The following RAB3C variants were observed in gnomAD, a reference collection of about 807,000 sequenced individuals.
The protein encoded by RAB3C is RAB3C, member RAS oncogene family, also known as ras-related protein Rab-3C.
A neutral mutation model predicts 26.4 loss-of-function variants in RAB3C; 17 were observed. That is an observed-to-expected ratio of 0.64 (90% CI 0.44 to 0.97). The LOEUF (loss-of-function observed/expected upper bound fraction) is 0.97, where lower values mean the gene tolerates loss of function less well. RAB3C is among the 50% of genes least tolerant of loss of function. The pLI is 0.00. For synonymous variants in RAB3C, 91 were observed against 95.9 expected (o/e 0.95, Z 0.30); for missense variants, 242 against 281.9 (o/e 0.86, Z 1.01).
intron 1 of RAB3C, among the ~76,000 whole-genome samples, chr5:58,606,510 T>A (rs1561264243): frequency 1.3e-5 from 2 of 152,164 alleles, no homozygotes; most frequent in South Asian, 2.1e-4. Context: ...GACTTAAACG[T>A]CCCTGTCTGA....
At chr5:58,750,475 T>TA (rs141418422) in intron 3 of RAB3C, among the ~76,000 whole-genome samples, 18,311 of 152,278 alleles carry the variant, frequency 0.12, 1,405 homozygotes, top group East Asian at 0.18. Flanking sequence ...GCAGTAACTC[T>TA]GCTTAAGAAT....
At chr5:58,650,460 G>C (rs566768832) in intron 2 of RAB3C, among the ~76,000 whole-genome samples, 1 of 152,310 alleles carries the variant, frequency 6.6e-6, no homozygotes, top group Non-Finnish European at 1.5e-5. Flanking sequence ...GTTTTTGAAT[G>C]ATGAATGACA....
chr5:58,620,238 A>C (rs1271004481), intron 2 of RAB3C, among the ~76,000 whole-genome samples: 1 of 152,190 alleles, frequency 6.6e-6, no homozygotes, highest in Middle Eastern at 3.2e-3. Flanking sequence ...GTAGATTAAT[A>C]GCCATTACTA....
rs576176999 is a variant in RAB3C, at chr5:58,824,441, C to T, written c.372-597C>T. Among the ~76,000 whole-genome samples the T allele has an allele frequency of 7.9e-5, 12 of 152,280 alleles. No homozygotes were observed. In the South Asian group the frequency reaches 2.5e-3, roughly 32 times the overall value. On this transcript the variant is annotated intron_variant, in intron 3 of 4. Coordinates refer to ENST00000282878, the MANE Select transcript of RAB3C (RefSeq NM_138453.4). ...CCAGCTCATTGTATTATAATTTTGA[C>T]ATTAATCAACCTGACATTTTTCTTT...
chr5:58,643,121 A>G (rs777382476), intron 2 of RAB3C, among the ~76,000 whole-genome samples: 10 of 152,216 alleles, frequency 6.6e-5, no homozygotes, highest in Non-Finnish European at 1.2e-4. Flanking sequence ...TGTATAGCTA[A>G]TTACCAATTA....
intron 1 of RAB3C, among the ~76,000 whole-genome samples, chr5:58,590,536 T>C (rs1204030167): frequency 6.6e-6 from 1 of 151,936 alleles, no homozygotes; most frequent in African/African-American, 2.4e-5. Flanking sequence ...GGTTCACTTA[T>C]TTATTTATTT....
intron 2 of RAB3C, among the ~76,000 whole-genome samples, chr5:58,701,732 G>C (rs752825893): frequency 1.3e-5 from 2 of 152,066 alleles, no homozygotes; most frequent in Non-Finnish European, 2.9e-5. Flanking sequence ...TACCTTCATA[G>C]CCAACAAGAT....
chr5:58,828,571 G>A (rs1743540092), intron 4 of RAB3C, among the ~76,000 whole-genome samples: 1 of 152,190 alleles, frequency 6.6e-6, no homozygotes, highest in Non-Finnish European at 1.5e-5. Flanking sequence ...TCCCAGGCCT[G>A]ACCTCACACT....
chr5:58,657,221 T>G (rs920622467), intron 2 of RAB3C, among the ~76,000 whole-genome samples: 1 of 151,690 alleles, frequency 6.6e-6, no homozygotes, highest in Non-Finnish European at 1.5e-5. Context: ...CAATGGACTT[T>G]GAGGACTTTG....
At chr5:58,711,308 G>A (rs937514447) in intron 2 of RAB3C, among the ~76,000 whole-genome samples, 3 of 152,034 alleles carry the variant, frequency 2.0e-5, no homozygotes, top group African/African-American at 7.2e-5. Flanking sequence ...GGCTCGCTTC[G>A]ATTTTTTACT....
At chr5:58,697,815 G>A (rs771037499) in intron 2 of RAB3C, among the ~76,000 whole-genome samples, 11 of 152,160 alleles carry the variant, frequency 7.2e-5, no homozygotes, top group South Asian at 2.1e-4. Context: ...GCCTATGTGC[G>A]TCTTTGCACA....
chr5:58,794,501 A>C, intron 3 of RAB3C: 1 of 151,824 alleles, frequency 6.6e-6, no homozygotes, highest in African/African-American at 2.4e-5. Flanking sequence ...CAGATTGTCT[A>C]ACCAGTTATG....
At chr5:58,671,470 C>T (rs1170420482) in intron 2 of RAB3C, among the ~76,000 whole-genome samples, 1 of 152,112 alleles carries the variant, frequency 6.6e-6, no homozygotes. Flanking sequence ...CATCAACTTG[C>T]GTATTTTCCA....
chr5:58,815,827 G>C (rs577471675), intron 3 of RAB3C: 89 of 152,222 alleles, frequency 5.8e-4, no homozygotes, highest in African/African-American at 2.0e-3. Context: ...AGTCAAGGGG[G>C]GATGTGAATA....
At chr5:58,696,667 G>T (rs1198606562) in intron 2 of RAB3C, among the ~76,000 whole-genome samples, 2 of 152,144 alleles carry the variant, frequency 1.3e-5, no homozygotes, top group African/African-American at 4.8e-5. Context: ...TATGTGTTCA[G>T]GAATTTATCC....
intron 2 of RAB3C, among the ~76,000 whole-genome samples, chr5:58,690,697 C>CTGCTT (rs1415681434): frequency 2.0e-5 from 3 of 152,008 alleles, no homozygotes; most frequent in South Asian, 2.1e-4. Flanking sequence ...TTGAAACTGT[C>CTGCTT]AGGTCTACTT....
intron 1 of RAB3C, among the ~76,000 whole-genome samples, chr5:58,591,414 C>CT (rs1746124821): frequency 6.6e-6 from 1 of 151,882 alleles, no homozygotes; most frequent in Non-Finnish European, 1.5e-5. Context: ...TTTTGATACT[C>CT]TGTTATTAGG....
At chr5:58,839,988 C>A (rs1258653079) in intron 4 of RAB3C, among the ~76,000 whole-genome samples, 1 of 151,252 alleles carries the variant, frequency 6.6e-6, no homozygotes, top group East Asian at 1.9e-4. Context: ...GAGAATTTCA[C>A]TATTAATCTA....
At chr5:58,622,225 A>G (rs1453952445) in intron 2 of RAB3C, among the ~76,000 whole-genome samples, 1 of 152,066 alleles carries the variant, frequency 6.6e-6, no homozygotes, top group Non-Finnish European at 1.5e-5. Context: ...TGGAGCGATT[A>G]GGGCAGGTGG....
Sources: gnomAD v4.1 joint callset for allele counts (sites outside exome capture counted in the v4.1 genomes callset) on GRCh38, gnomAD v4.1.1 for gene constraint, MANE v1.5 for transcripts, NCBI Gene and HGNC (gene_info 2026-07-23, HGNC 2026-07-21) for gene names.